CDH4: variants seen among roughly 807,000 people sequenced by gnomAD.
The protein encoded by CDH4 is cadherin 4.
CDH4 carries 33 observed loss-of-function variants against 86.0 expected under a neutral mutation model. That is an observed-to-expected ratio of 0.38 (90% CI 0.29 to 0.51). The LOEUF (loss-of-function observed/expected upper bound fraction) is 0.51. Ranked by LOEUF, CDH4 falls within the 20% of genes least tolerant of loss-of-function variation. The pLI, the probability that CDH4 is intolerant of heterozygous loss-of-function variation, is 0.86. For missense variants in CDH4, 1,114 were observed against 1,307.4 expected (o/e 0.85, Z 2.28); for synonymous variants, 555 against 549.4 (o/e 1.01, Z -0.14).
At chr20:61,668,893 C>T (rs1433726854) in intron 2 of CDH4, among the ~76,000 whole-genome samples, 2 of 152,234 alleles carry the variant, frequency 1.3e-5, no homozygotes, top group African/African-American at 2.4e-5. Flanking sequence ...CGGGTGCCTT[C>T]CACCAGCACC....
intron 9 of CDH4, among the ~76,000 whole-genome samples, chr20:61,920,138 C>T (rs553014437): frequency 2.7e-4 from 7 of 26,246 alleles, no homozygotes; most frequent in African/African-American, 1.0e-3. Flanking sequence ...TGCGTGGAAG[C>T]GTGGTTTTGT....
chr20:61,749,769 G>A (rs575693713), intron 3 of CDH4, among the ~76,000 whole-genome samples: 3 of 152,204 alleles, frequency 2.0e-5, no homozygotes, highest in Non-Finnish European at 4.4e-5. Context: ...GATAAAGAAG[G>A]CAGAAAATTG....
intron 6 of CDH4, among the ~76,000 whole-genome samples, chr20:61,872,401 T>C (rs1983843697): frequency 6.6e-6 from 1 of 152,134 alleles, no homozygotes; most frequent in Non-Finnish European, 1.5e-5. Context: ...ACGTTCCAGA[T>C]GCAGAACAGA....
chr20:61,456,482 C>T (rs1238071664), intron 2 of CDH4, among the ~76,000 whole-genome samples: 3 of 152,202 alleles, frequency 2.0e-5, no homozygotes, highest in Non-Finnish European at 4.4e-5. Flanking sequence ...TTGGTAGAGT[C>T]CACCCTGGGG....
chr20:61,322,432 C>T (rs781651072), intron 2 of CDH4, among the ~76,000 whole-genome samples: 3 of 152,316 alleles, frequency 2.0e-5, no homozygotes, highest in Admixed American at 6.5e-5. Flanking sequence ...GTATCTGAGC[C>T]GCCTCCCCTT....
intron 2 of CDH4, among the ~76,000 whole-genome samples, chr20:61,318,726 G>A (rs2123237132): frequency 6.6e-6 from 1 of 152,352 alleles, no homozygotes; most frequent in Non-Finnish European, 1.5e-5. Context: ...TGAGCTCTTT[G>A]GCTTTATGTT....
chr20:61,485,810 T>A (rs1488893420), intron 2 of CDH4, among the ~76,000 whole-genome samples: 1 of 152,230 alleles, frequency 6.6e-6, no homozygotes, highest in South Asian at 2.1e-4. Flanking sequence ...ACTTGCCCCA[T>A]ACGGGTTTCT....
intron 8 of CDH4, among the ~76,000 whole-genome samples, 172 bp downstream of exon 8, chr20:61,895,219 G>A (rs146626878): frequency 6.6e-6 from 1 of 152,372 alleles, no homozygotes; most frequent in East Asian, 1.9e-4. Flanking sequence ...CTCGATTCCT[G>A]ATGTGCGCAG....
intron 5 of CDH4, among the ~76,000 whole-genome samples, chr20:61,845,803 A>G (rs1415584409): frequency 6.6e-6 from 1 of 152,246 alleles, no homozygotes; most frequent in East Asian, 1.9e-4. Context: ...CCCACCTGAC[A>G]GTGTCACCTT....
chr20:61,275,659 CGCAGTTTGGGGGGAGTACCGTGT>C (rs2084227336), intron 2 of CDH4, among the ~76,000 whole-genome samples: 1 of 52,724 alleles, frequency 1.9e-5, no homozygotes, highest in South Asian at 6.4e-4. Flanking sequence ...GAGTACCATG[CGCAGTTTGGGGGGAGTACCGTGT>C]GCAGTTTGGG....
rs1200209365 is a variant in CDH4 at position 61,879,027 on chromosome 20, C to T, written c.1050+5127C>T. On this transcript the variant is annotated intron_variant, in intron 7 of 15. Transcript: ENST00000614565. The surrounding 1 kb of genome is among the most constrained non-coding windows in gnomAD (Gnocchi z 4.1). The stretch of plus-strand genomic sequence containing the variant: ...TTCTGCAGCAGAGGATGCACGTTGT[C>T]GGATTTTCAGCAGCAAACAATAAAA... 1.3e-5 allele frequency among the ~76,000 whole-genome samples: 2 copies of T among 152,248 alleles called. No individual in the cohort carries two copies. The highest frequency in any genetic ancestry group is 2.1e-4 in the South Asian group (1 of 4,832).
At chr20:61,370,625 T>C (rs1199498502) in intron 2 of CDH4, 1 of 152,242 alleles carries the variant, frequency 6.6e-6, no homozygotes, top group African/African-American at 2.4e-5. Flanking sequence ...AGGGAAGACA[T>C]ATCATTCCAG....
chr20:61,645,700 TG>T (rs1370851976), intron 2 of CDH4, among the ~76,000 whole-genome samples: 1 of 151,570 alleles, frequency 6.6e-6, no homozygotes, highest in Non-Finnish European at 1.5e-5. Context: ...TGCGGAGAGC[TG>T]CACACCCACT....
At chr20:61,850,162 A>G (rs759828984) in intron 5 of CDH4, among the ~76,000 whole-genome samples, 1 of 152,230 alleles carries the variant, frequency 6.6e-6, no homozygotes, top group Non-Finnish European at 1.5e-5. Context: ...AGTTAGACAC[A>G]TTAGCTCACC....
At chr20:61,428,576 T>C (rs2085227244) in intron 2 of CDH4, among the ~76,000 whole-genome samples, 1 of 152,216 alleles carries the variant, frequency 6.6e-6, no homozygotes, top group Admixed American at 6.5e-5. Context: ...TACTATGCAG[T>C]GTTCAATAAG....
chr20:61,852,769 G>A lies in CDH4; in HGVS notation c.748G>A (p.Val250Met). ...HASYHLRAHA[V>M]DMNGNKVENP... ...GCTTTTCCAGCTCCGAGCCCACGCT[G>A]TGGACATGAATGGCAACAAGGTGGA... is the stretch of plus-strand genomic sequence containing the variant. Residue 250 changes from valine to methionine, a missense_variant, in exon 6 of 16, where the codon GTG becomes ATG. By Grantham distance (21) the Val-to-Met change is conservative (BLOSUM62 1). Transcript: ENST00000614565. 6.2e-7 allele frequency: 1 copy of A among 1,612,854 alleles called. No homozygotes were observed. Among genetic ancestry groups the A allele is most frequent in the African/African-American group, 1.3e-5 (1 of 75,030 alleles).
chr20:61,840,342 T>C (rs1270199166), intron 4 of CDH4, among the ~76,000 whole-genome samples: 1 of 152,154 alleles, frequency 6.6e-6, no homozygotes, highest in Non-Finnish European at 1.5e-5. Flanking sequence ...GGAATCCACC[T>C]CCAAAGTGTC....
intron 4 of CDH4, among the ~76,000 whole-genome samples, chr20:61,819,440 G>A (rs572220962): frequency 4.9e-4 from 75 of 152,252 alleles, no homozygotes; most frequent in Middle Eastern, 6.8e-3. Context: ...CCATGCATTC[G>A]CATTCTGCAG....
At chr20:61,359,986 G>C (rs574362933) in intron 2 of CDH4, among the ~76,000 whole-genome samples, 116 of 152,330 alleles carry the variant, frequency 7.6e-4, no homozygotes, top group Non-Finnish European at 8.4e-4. Context: ...GAAATCTGGA[G>C]CTCTTGGTGA....
Sources: gnomAD v4.1 joint callset for allele counts (sites outside exome capture counted in the v4.1 genomes callset) on GRCh38, gnomAD v4.1.1 for gene constraint, Gnocchi (gnomAD v3.1) non-coding constraint, MANE v1.5 for transcripts, NCBI Gene and HGNC (gene_info 2026-07-23, HGNC 2026-07-21) for gene names.